The following UTRN variants were observed in gnomAD, a reference collection of about 807,000 sequenced individuals.
UTRN encodes utrophin.
Under a neutral mutation model 463.9 loss-of-function variants are expected in UTRN, and 283 were observed. That is an observed-to-expected ratio of 0.61 (90% CI 0.55 to 0.67). The LOEUF is 0.67. UTRN is among the 30% of genes least tolerant of loss of function. The probability of loss-of-function intolerance (pLI) is 0.00; values close to 1 mark genes in which losing one functional copy is unlikely to be tolerated. For missense variants in UTRN, 3,922 were observed against 4,084.3 expected, an observed-to-expected ratio of 0.96 and a Z score of 1.08; for synonymous variants, 1,442 against 1,431.5, an observed-to-expected ratio of 1.01 and a Z score of -0.17.
intron 27 of UTRN, among the ~76,000 whole-genome samples, chr6:144,484,209 C>G (rs1219127467): frequency 4.6e-5 from 7 of 152,136 alleles, no homozygotes; most frequent in African/African-American, 1.7e-4. Flanking sequence ...AAAACCAACA[C>G]AGTAAGAACA....
intron 2 of UTRN, among the ~76,000 whole-genome samples, chr6:144,362,740 A>C (rs925789586): frequency 6.6e-6 from 1 of 152,188 alleles, no homozygotes; most frequent in African/African-American, 2.4e-5. Flanking sequence ...AAAAAATGAC[A>C]TGCCACTTGT....
intron 17 of UTRN, 59 bp downstream of exon 17, chr6:144,448,828 T>A: frequency 6.4e-7 from 1 of 1,560,306 alleles, no homozygotes; most frequent in Admixed American, 1.8e-5. Context: ...ATTTTCTACT[T>A]GGTGCCTATT....
At chr6:144,424,712 G>A (rs1489761048) in intron 6 of UTRN, among the ~76,000 whole-genome samples, 1 of 152,118 alleles carries the variant, frequency 6.6e-6, no homozygotes, top group African/African-American at 2.4e-5. Context: ...ATAGTTCAAA[G>A]AATTCCCAAG....
intron 60 of UTRN, among the ~76,000 whole-genome samples, chr6:144,779,578 G>C (rs1401777342): frequency 6.6e-6 from 1 of 152,132 alleles, no homozygotes; most frequent in Admixed American, 6.5e-5. Flanking sequence ...ATTAATCTGA[G>C]GGGGAGGAAG....
intron 36 of UTRN, 138 bp downstream of exon 36, chr6:144,514,175 A>T: frequency 2.4e-6 from 3 of 1,231,868 alleles, no homozygotes; most frequent in Non-Finnish European, 2.3e-6. Flanking sequence ...TTGATGGGAG[A>T]AACTGAGACA....
At chr6:144,679,816 C>T (rs1782027559) in intron 52 of UTRN, among the ~76,000 whole-genome samples, 1 of 151,918 alleles carries the variant, frequency 6.6e-6, no homozygotes, top group Non-Finnish European at 1.5e-5. Context: ...TTTTATTCTT[C>T]TGGAGCTCAG....
chr6:144,776,789 G>C (rs1296676777), intron 60 of UTRN, among the ~76,000 whole-genome samples: 2 of 152,116 alleles, frequency 1.3e-5, no homozygotes, highest in Non-Finnish European at 2.9e-5. Flanking sequence ...TGCAGTTTTT[G>C]CCGTTAAAAG....
rs75112367 is a variant in UTRN at position 144,821,373 on chromosome 6, T to C, written c.9494+355T>C. 8.4e-3 allele frequency among the ~76,000 whole-genome samples: 1,281 copies of C among 152,140 alleles called. 21 individuals are homozygous for C. The highest frequency in any genetic ancestry group is 0.056 in the East Asian group (292 of 5,178). On this transcript the variant is annotated intron_variant, in intron 66 of 74. Coordinates refer to ENST00000367545, the MANE Select transcript of UTRN (RefSeq NM_007124.3). Reference sequence around the variant, plus strand: ...ATTTATTTTCCTTTTTTTCCCCTTATGGGGGGTGTTTTACTATTTCTCAGA... The same window carrying C: ...ATTTATTTTCCTTTTTTTCCCCTTACGGGGGGTGTTTTACTATTTCTCAGA...
chr6:144,811,340 G>A (rs1778592063), intron 65 of UTRN, among the ~76,000 whole-genome samples: 1 of 152,094 alleles, frequency 6.6e-6, no homozygotes, highest in Non-Finnish European at 1.5e-5. Flanking sequence ...TGGCAGTCTT[G>A]TCTCTTCAGA....
At chr6:144,809,111 GAT>G (rs1482896823) in intron 65 of UTRN, among the ~76,000 whole-genome samples, 3 of 152,132 alleles carry the variant, frequency 2.0e-5, no homozygotes, top group Non-Finnish European at 4.4e-5. Flanking sequence ...CTGAACCAAA[GAT>G]AGTTCTTTAA....
At chr6:144,388,110 T>A (rs1052169927) in intron 2 of UTRN, among the ~76,000 whole-genome samples, 1 of 152,226 alleles carries the variant, frequency 6.6e-6, no homozygotes, top group Non-Finnish European at 1.5e-5. Context: ...AATAATAGAA[T>A]ATAAGAGTCA....
rs751661481 is a variant in UTRN, at chr6:144,453,846, T to A, written c.2261T>A (p.Ile754Asn). 6.2e-7 allele frequency: 1 copy of A among 1,613,390 alleles called. No individual in the cohort carries two copies. The highest frequency in any genetic ancestry group is 1.7e-5 in the Admixed American group (1 of 59,950). ...RADELNQTGQ[I>N]LVEQMGKEGL... is the part of the protein sequence containing the mutation. ...GATGAATTAAACCAAACTGGACAAA[T>A]CCTTGTGGAGCAAATGGGAAAAGGT... Residue 754 changes from isoleucine (I) to asparagine (N), a missense_variant, in exon 19 of 75, where the codon ATC becomes AAC. Around this residue, in one of 3 missense-constraint regions of UTRN, gnomAD observed 2,349 missense variants for 2,303.8 expected, o/e 1.02. Transcript: ENST00000367545.
At chr6:144,462,116 T>C (rs1470198801) in intron 22 of UTRN, among the ~76,000 whole-genome samples, 2 of 152,170 alleles carry the variant, frequency 1.3e-5, no homozygotes, top group Non-Finnish European at 2.9e-5. Flanking sequence ...TGTGTCCGTA[T>C]GTTCTCATTA....
intron 58 of UTRN, among the ~76,000 whole-genome samples, chr6:144,760,719 T>C (rs1448466759): frequency 6.6e-6 from 1 of 152,188 alleles, no homozygotes; most frequent in Non-Finnish European, 1.5e-5. Flanking sequence ...TTTGCGTGGC[T>C]TCAAAAGTAG....
At chr6:144,716,568 A>C (rs1288260860) in intron 53 of UTRN, among the ~76,000 whole-genome samples, 1 of 152,198 alleles carries the variant, frequency 6.6e-6, no homozygotes, top group Non-Finnish European at 1.5e-5. Flanking sequence ...TCAATGCTAA[A>C]TGAGCTCAAT....
intron 2 of UTRN, among the ~76,000 whole-genome samples, chr6:144,308,905 G>T (rs1261888031): frequency 6.6e-6 from 1 of 152,134 alleles, no homozygotes; most frequent in Non-Finnish European, 1.5e-5. Context: ...CTCAAAGATT[G>T]TATGTACCAA....
chr6:144,605,880 T>G (rs1804793298), intron 51 of UTRN, among the ~76,000 whole-genome samples: 1 of 152,160 alleles, frequency 6.6e-6, no homozygotes, highest in African/African-American at 2.4e-5. Context: ...TAAATTCTCC[T>G]TATCTTTCTT....
At position 144,371,911 on chromosome 6, in the gene UTRN, C is replaced by G. The variant is rs556479421; in HGVS notation, c.80-31212C>G. On this transcript the variant is annotated intron_variant, in intron 2 of 74. Transcript: ENST00000367545. ...AGGCCTCCACCTAACAAAACACCCA[C>G]TGTGACTATTTACAATGTTTGCATC... Among the ~76,000 whole-genome samples, 11 of 152,348 alleles carry G rather than the reference C, an allele frequency of 7.2e-5. No individual in the cohort carries two copies. In the South Asian group the frequency reaches 2.3e-3, roughly 32 times the overall value.
chr6:144,662,325 A>G (rs114371057), intron 51 of UTRN, among the ~76,000 whole-genome samples: 3,360 of 152,294 alleles, frequency 0.022, 123 homozygotes, highest in African/African-American at 0.075. Flanking sequence ...ACACGTCTCA[A>G]ATACAACTAA....
Sources: gnomAD v4.1 joint callset for allele counts (sites outside exome capture counted in the v4.1 genomes callset) on GRCh38, gnomAD v4.1.1 for gene constraint, gnomAD v4.1.1 regional missense constraint, MANE v1.5 for transcripts, NCBI Gene and HGNC (gene_info 2026-07-23, HGNC 2026-07-21) for gene names.